Variants in GAS7 observed in about 807,000 individuals in gnomAD.
GAS7 encodes growth arrest specific 7.
A neutral mutation model predicts 71.1 loss-of-function variants in GAS7; 28 were observed. The observed-to-expected ratio is 0.39, with a 90% CI of 0.29 to 0.54. The LOEUF (loss-of-function observed/expected upper bound fraction) is 0.54, where lower values mean the gene tolerates loss of function less well. Among genes scored for constraint, GAS7 ranks in the 20% least tolerant of loss-of-function variants. The probability of loss-of-function intolerance (pLI) is 0.62; values close to 1 mark genes in which losing one functional copy is unlikely to be tolerated. For missense variants in GAS7, 436 were observed against 627.8 expected (o/e 0.69, Z 3.27); for synonymous variants, 258 against 245.8 (o/e 1.05, Z -0.46).
chr17:9,963,077 G>A (rs2069565223), intron 4 of GAS7, among the ~76,000 whole-genome samples: 1 of 151,642 alleles, frequency 6.6e-6, no homozygotes, highest in Non-Finnish European at 1.5e-5. Flanking sequence ...AAGGGATTGA[G>A]TGTAGAGGCA....
chr17:10,108,726 T>C (rs1042054845), intron 1 of GAS7, among the ~76,000 whole-genome samples: 8 of 152,128 alleles, frequency 5.3e-5, no homozygotes, highest in African/African-American at 1.2e-4. Context: ...AGAATACACA[T>C]TGAGGAAAGG....
At chr17:9,937,896 GTCTT>G (rs1367851400) in intron 8 of GAS7, among the ~76,000 whole-genome samples, 3 of 152,186 alleles carry the variant, frequency 2.0e-5, no homozygotes, top group African/African-American at 7.2e-5. Context: ...CCTCCTGAGA[GTCTT>G]TCTGTTTTTT....
intron 1 of GAS7, among the ~76,000 whole-genome samples, chr17:10,127,414 G>A (rs1438708623): frequency 2.0e-5 from 3 of 152,108 alleles, no homozygotes; most frequent in Admixed American, 1.3e-4. Flanking sequence ...TCAGGAGGCG[G>A]GGAGTATTGC....
chr17:9,921,454 G>A (rs958961697), intron 11 of GAS7, among the ~76,000 whole-genome samples: 6 of 152,126 alleles, frequency 3.9e-5, no homozygotes, highest in East Asian at 1.9e-4. Context: ...CTGCCTGGCC[G>A]AGGAGGAGGG....
rs547570740 is a variant in GAS7, at chr17:10,041,278, T to C, written c.184-21381A>G. ...ATTAAAATGGCCATGAAAGCTTTCA[T>C]AGCCTGTGACTCCTCAGTTTTGTAA... is the stretch of plus-strand genomic sequence containing the variant. On this transcript the variant is annotated intron_variant, in intron 1 of 13. Coordinates refer to ENST00000432992, the MANE Select transcript of GAS7 (RefSeq NM_201433.2). 6.6e-5 allele frequency among the ~76,000 whole-genome samples: 10 copies of C among 152,194 alleles called. 1 individual carries two copies. In the South Asian group the frequency reaches 1.2e-3, roughly 19 times the overall value.
intron 9 of GAS7, among the ~76,000 whole-genome samples, chr17:9,928,118 T>C (rs1365037345): frequency 6.6e-6 from 1 of 151,474 alleles, no homozygotes; most frequent in Non-Finnish European, 1.5e-5. Context: ...TTTATTTATT[T>C]ATTTATTTTT....
chr17:9,973,872 A>AAT (rs1398908002), intron 3 of GAS7, among the ~76,000 whole-genome samples: 2 of 152,196 alleles, frequency 1.3e-5, no homozygotes, highest in African/African-American at 2.4e-5. Context: ...TGCTTTCGAA[A>AAT]ATGAAATGCA....
intron 13 of GAS7, among the ~76,000 whole-genome samples, 155 bp downstream of exon 13, chr17:9,917,846 G>A (rs1361118646): frequency 2.0e-5 from 3 of 152,216 alleles, no homozygotes; most frequent in Non-Finnish European, 4.4e-5. Flanking sequence ...GAGAGGCCCA[G>A]TCCACGAGGC....
chr17:9,939,486 G>C (rs1456975503), intron 8 of GAS7, among the ~76,000 whole-genome samples: 7 of 152,226 alleles, frequency 4.6e-5, no homozygotes, highest in African/African-American at 1.7e-4. Flanking sequence ...CCTAGACAAA[G>C]GGAGGCTGGA....
chr17:10,133,122 A>ATATT (rs1392845338), intron 1 of GAS7, among the ~76,000 whole-genome samples: 1 of 118,888 alleles, frequency 8.4e-6, no homozygotes, highest in African/African-American at 3.0e-5. Flanking sequence ...ATATTTTTAT[A>ATATT]TTTTTTTTTT....
chr17:10,104,271 A>C (rs1344898780), intron 1 of GAS7, among the ~76,000 whole-genome samples: 1 of 152,158 alleles, frequency 6.6e-6, no homozygotes, highest in East Asian at 1.9e-4. Flanking sequence ...CCAGCCAGCA[A>C]CATTCAATGT....
At chr17:10,017,227 C>T (rs2072070284) in intron 2 of GAS7, among the ~76,000 whole-genome samples, 1 of 151,978 alleles carries the variant, frequency 6.6e-6, no homozygotes, top group African/African-American at 2.4e-5. Flanking sequence ...CAACAGACAG[C>T]CTGAAGCAGG....
chr17:10,070,528 T>G (rs1240256248), intron 1 of GAS7, among the ~76,000 whole-genome samples: 1 of 151,860 alleles, frequency 6.6e-6, no homozygotes, highest in African/African-American at 2.4e-5. Flanking sequence ...CATGCCTCGC[T>G]AATTTTTGTA....
intron 1 of GAS7, among the ~76,000 whole-genome samples, chr17:10,112,948 A>G (rs1362741901): frequency 1.3e-5 from 2 of 152,128 alleles, no homozygotes; most frequent in African/African-American, 4.8e-5. Flanking sequence ...CTTAAGATCT[A>G]TATGTAAAAC....
At chr17:10,090,351 C>A (rs1363134533) in intron 1 of GAS7, among the ~76,000 whole-genome samples, 1 of 152,136 alleles carries the variant, frequency 6.6e-6, no homozygotes, top group Non-Finnish European at 1.5e-5. Context: ...AAAGAACACA[C>A]ACCAGGATGC....
At chr17:9,972,087 G>A (rs558600094) in intron 3 of GAS7, among the ~76,000 whole-genome samples, 4 of 152,188 alleles carry the variant, frequency 2.6e-5, no homozygotes, top group Non-Finnish European at 5.9e-5. Context: ...CAAGGAAATA[G>A]CAAGCTGATC....
At chr17:10,184,675 A>G (rs2142146871) in intron 1 of GAS7, among the ~76,000 whole-genome samples, 1 of 152,314 alleles carries the variant, frequency 6.6e-6, no homozygotes, top group East Asian at 1.9e-4. Flanking sequence ...GTCCTGCCAC[A>G]TAGCTCCTCA....
At chr17:10,005,541 A>C (rs1226824386) in intron 2 of GAS7, among the ~76,000 whole-genome samples, 1 of 152,006 alleles carries the variant, frequency 6.6e-6, no homozygotes, top group African/African-American at 2.4e-5. Flanking sequence ...CTCAGCCCCA[A>C]CCAGCTGTGT....
At chr17:10,179,317 G>A (rs1397082447) in intron 1 of GAS7, among the ~76,000 whole-genome samples, 1 of 151,536 alleles carries the variant, frequency 6.6e-6, no homozygotes, top group Non-Finnish European at 1.5e-5. Flanking sequence ...TGGGCAACAT[G>A]AGTGAAACTC....
Sources: allele counts gnomAD v4.1 joint callset (sites outside exome capture counted in the v4.1 genomes callset), GRCh38; gene constraint gnomAD v4.1.1; transcripts MANE v1.5; gene names NCBI Gene and HGNC (gene_info 2026-07-23, HGNC 2026-07-21).